FAM83F: variants seen among roughly 807,000 people sequenced by gnomAD.
FAM83F encodes scaffolding CK1 anchoring protein F.
FAM83F carries 45 observed loss-of-function variants against 42.9 expected under a neutral mutation model. The observed-to-expected ratio is 1.05, with a 90% CI of 0.83 to 1.35. FAM83F has a LOEUF of 1.35. Among genes scored for constraint, FAM83F ranks in the 40% most tolerant of loss-of-function variants. FAM83F has a pLI of 0.00. For missense variants in FAM83F, 617 were observed against 695.9 expected (o/e 0.89, Z 1.28); for synonymous variants, 306 against 298.3 (o/e 1.03, Z -0.27).
intron 4 of FAM83F, among the ~76,000 whole-genome samples, chr22:40,025,515 C>G (rs1198668441): frequency 6.6e-6 from 1 of 152,052 alleles, no homozygotes; most frequent in African/African-American, 2.4e-5. Context: ...GAGTTCGAGA[C>G]CAGCCTGGCC....
chr22:40,017,848 A>AAC (rs145725018), intron 1 of FAM83F, among the ~76,000 whole-genome samples: 1,708 of 152,326 alleles, frequency 0.011, 26 homozygotes, highest in African/African-American at 0.039. Context: ...CAGATGAGGA[A>AAC]ACAGAGTCTC....
chr22:40,022,018 G>T (rs755659577), intron 4 of FAM83F, 55 bp downstream of exon 4: 4 of 1,435,612 alleles, frequency 2.8e-6, no homozygotes, highest in Admixed American at 4.9e-5. Flanking sequence ...CCCTCGCCCC[G>T]CATCGGCTCT....
At chr22:40,025,854 C>G (rs1438447511) in intron 4 of FAM83F, among the ~76,000 whole-genome samples, 1 of 152,228 alleles carries the variant, frequency 6.6e-6, no homozygotes, top group Non-Finnish European at 1.5e-5. Flanking sequence ...GACCAGCCGA[C>G]TCCGTGGCGA....
chr22:40,014,037 T>G (rs2067481128), intron 1 of FAM83F, among the ~76,000 whole-genome samples: 1 of 151,956 alleles, frequency 6.6e-6, no homozygotes, highest in Non-Finnish European at 1.5e-5. Flanking sequence ...TTCTAATTGC[T>G]TTTTTCTTTA....
At position 40,034,413 on chromosome 22, in the gene FAM83F, CTAAG is replaced by C. The variant is rs1323417127; in HGVS notation, c.*4852_*4855del. 2 of 152,346 alleles carry C rather than the reference CTAAG, an allele frequency of 1.3e-5. No homozygotes were observed. The highest frequency in any genetic ancestry group is 2.9e-5 in the Non-Finnish European group (2 of 68,158). The allele number at this position is 152,346 out of a possible 1,614,324, so 9.4% of individuals were successfully genotyped here. A position where few individuals can be genotyped will look rare whatever the true frequency, so the allele number is the denominator to read the frequency against. On this transcript the variant is annotated 3_prime_UTR_variant, in exon 5 of 5. Transcript: ENST00000333407. ...GCACAGCCGTGAGTATGTTCTGGGG[CTAAG>C]TAACCATGAGATCAGCCCAGAGACC...
At chr22:40,028,918 G>A (rs11704113) in intron 4 of FAM83F, among the ~76,000 whole-genome samples, 7,297 of 152,304 alleles carry the variant, frequency 0.048, 257 homozygotes, top group South Asian at 0.093. Flanking sequence ...GACCGGGAAG[G>A]CCAGGTTCTG....
At position 40,020,036 on chromosome 22, in the gene FAM83F, C is replaced by G. The variant is rs773513481; in HGVS notation, c.779+28C>G. 2.5e-5 allele frequency: 40 copies of G among 1,593,076 alleles called. No individual in the cohort carries two copies. In the South Asian group the frequency reaches 4.1e-4, roughly 16 times the overall value. On this transcript the variant is annotated intron_variant, in intron 3 of 4. Transcript: ENST00000333407. ...GAGTTGGGCCGGATCAAAGAAGGGC[C>G]CAGGAGGCCTTGATTCCAGGTAGGT...
chr22:40,023,372 G>C lies in FAM83F; in HGVS notation c.1453+1409G>C, dbSNP rs1054561284. Among the ~76,000 whole-genome samples, 1 of 149,860 alleles carries C rather than the reference G, an allele frequency of 6.7e-6. No individual in the cohort carries two copies. Among genetic ancestry groups the C allele is most frequent in the Admixed American group, 6.6e-5 (1 of 15,100 alleles). On this transcript the variant is annotated intron_variant, in intron 4 of 4. Transcript: ENST00000333407. This position sits in a 1 kb window ranked among gnomAD's most constrained non-coding sequence, Gnocchi z 4.1. ...AGCTGCTGCTGCTGCTGCTGCTCCT[G>C]CTCTGTACCTCTGGTTTGGAGGAAG... is the stretch of plus-strand genomic sequence containing the variant.
intron 4 of FAM83F, among the ~76,000 whole-genome samples, chr22:40,025,418 A>G (rs1033106797): frequency 6.6e-6 from 1 of 152,212 alleles, no homozygotes; most frequent in South Asian, 2.1e-4. Flanking sequence ...CCCTGTCTCA[A>G]AAAAATAAAA....
intron 1 of FAM83F, among the ~76,000 whole-genome samples, chr22:40,011,529 T>G (rs1329882806): frequency 1.3e-5 from 2 of 152,204 alleles, no homozygotes; most frequent in Non-Finnish European, 2.9e-5. Context: ...TCCTCTCATT[T>G]CTGAACACTC....
In FAM83F at chr22:40,019,354, G is replaced by A; in HGVS notation, c.657+19G>A. 6.2e-7 allele frequency: 1 copy of A among 1,609,098 alleles called. No individual in the cohort carries two copies. The highest frequency in any genetic ancestry group is 8.5e-7 in the Non-Finnish European group (1 of 1,177,320). On this transcript the variant is annotated intron_variant, in intron 2 of 4. Coordinates refer to ENST00000333407, the MANE Select transcript of FAM83F (RefSeq NM_138435.4). ...GATTCGGGTAAGTTGCACCACTGGG[G>A]TGGAAAGTGGACAGGAGATGAGACA...
chr22:40,021,734 C>T lies in FAM83F; in HGVS notation c.1224C>T (p.His408=), dbSNP rs145727546. Residue 408 remains histidine (H), a synonymous_variant, in exon 4 of 5, where the codon CAC becomes CAT. Coordinates refer to ENST00000333407, the MANE Select transcript of FAM83F (RefSeq NM_138435.4). The surrounding 1 kb of genome is among the most constrained non-coding windows in gnomAD (Gnocchi z 8.7). Reference sequence around the variant, plus strand: ...ATGGCAGGATGGTCTCTCACATGCACAGAGACCTGAAGCCCAAATCCCGAG... The same window carrying T: ...ATGGCAGGATGGTCTCTCACATGCATAGAGACCTGAAGCCCAAATCCCGAG... The part of the protein sequence containing the change: ...QKDGRMVSHM[H]RDLKPKSREA... 25 of 1,613,014 alleles carry T rather than the reference C, an allele frequency of 1.5e-5. No individual in the cohort carries two copies. Among genetic ancestry groups the T allele is most frequent in the Non-Finnish European group, 2.1e-5 (25 of 1,179,880 alleles).
At chr22:39,997,249 A>G (rs1051166437) in intron 1 of FAM83F, among the ~76,000 whole-genome samples, 2 of 152,266 alleles carry the variant, frequency 1.3e-5, no homozygotes, top group African/African-American at 4.8e-5. Flanking sequence ...GAATGAAGCT[A>G]GCCTGGTCAC....
chr22:40,015,517 G>A (rs567445886), intron 1 of FAM83F, among the ~76,000 whole-genome samples: 1 of 152,078 alleles, frequency 6.6e-6, no homozygotes, highest in Non-Finnish European at 1.5e-5. Flanking sequence ...GCTAGGCCAC[G>A]TGACACCTGT....
At chr22:40,009,047 C>G (rs1008128995) in intron 1 of FAM83F, among the ~76,000 whole-genome samples, 4 of 152,288 alleles carry the variant, frequency 2.6e-5, no homozygotes, top group African/African-American at 9.6e-5. Context: ...GGAGTTCCCC[C>G]CATTTGCCTT....
Position 39,995,565 on chromosome 22 carries a change from AC to A in FAM83F, c.489+36del, listed in dbSNP as rs1282904190. On this transcript the variant is annotated intron_variant, in intron 1 of 4. Transcript: ENST00000333407. This position sits in a 1 kb window ranked among gnomAD's most constrained non-coding sequence, Gnocchi z 4.6. Reference sequence around the variant, plus strand: ...CCGCCTTCGCCCCCACACCGCTGGGACCTCGGCCCCAGTCCCCTGGACCGGG... The same window carrying A: ...CCGCCTTCGCCCCCACACCGCTGGGACTCGGCCCCAGTCCCCTGGACCGGG... 3 of 1,513,442 alleles carry A rather than the reference AC, an allele frequency of 2.0e-6. No individual in the cohort carries two copies. Among genetic ancestry groups the A allele is most frequent in the African/African-American group, 1.4e-5 (1 of 72,428 alleles). 93.8% of individuals were successfully genotyped at this position (1,513,442 alleles called of 1,614,324 possible). A position where few individuals can be genotyped will look rare whatever the true frequency, so the allele number is the denominator to read the frequency against.
chr22:40,004,075 A>G (rs1222620670), intron 1 of FAM83F, among the ~76,000 whole-genome samples: 1 of 151,880 alleles, frequency 6.6e-6, no homozygotes, highest in Non-Finnish European at 1.5e-5. Context: ...TCATTCACTC[A>G]CCATGTTTCA....
chr22:40,015,583 C>G (rs552920496), intron 1 of FAM83F, among the ~76,000 whole-genome samples: 2 of 152,316 alleles, frequency 1.3e-5, no homozygotes, highest in African/African-American at 4.8e-5. Context: ...CCACTCCCCT[C>G]CTCAGCCAGT....
chr22:40,022,052 C>A, intron 4 of FAM83F, 89 bp downstream of exon 4: 1 of 1,154,674 alleles, frequency 8.7e-7, no homozygotes, highest in Non-Finnish European at 1.2e-6. Context: ...TGCCTCATAC[C>A]TGCAGAGGAG....
Sources: gnomAD v4.1 joint callset for allele counts (sites outside exome capture counted in the v4.1 genomes callset) on GRCh38, gnomAD v4.1.1 for gene constraint, Gnocchi (gnomAD v3.1) non-coding constraint, MANE v1.5 for transcripts, NCBI Gene and HGNC (gene_info 2026-07-23, HGNC 2026-07-21) for gene names.